The following OR1B1 variants were observed in gnomAD, a reference collection of about 807,000 sequenced individuals.
OR1B1 encodes the protein olfactory receptor family 1 subfamily B member 1.
For missense variants in OR1B1, 414 were observed against 402.1 expected, an observed-to-expected ratio of 1.03 and a Z score of -0.25; for synonymous variants, 168 against 156.2, an observed-to-expected ratio of 1.08 and a Z score of -0.57.
exon 1 of OR1B1, chr9:122,629,004 C>G: frequency 6.2e-7 from 1 of 1,613,912 alleles, no homozygotes; most frequent in Non-Finnish European, 8.5e-7. Flanking sequence ...GGAAGGTTAA[C>G]GTTGCCCCCA....
At chr9:122,631,183 T>A (rs1301484132), upstream of OR1B1, among the ~76,000 whole-genome samples, 1 of 143,024 alleles carries the variant, frequency 7.0e-6, no homozygotes, top group Non-Finnish European at 1.6e-5. Flanking sequence ...TAATCATACT[T>A]TTTTTTTTTT....
At chr9:122,634,651 C>T in the OR1B1 span, among the ~76,000 whole-genome samples, 1 of 152,088 alleles carries the variant, frequency 6.6e-6, no homozygotes, top group Non-Finnish European at 1.5e-5. Flanking sequence ...CAGGTCCCTC[C>T]CTTGACATGT....
the OR1B1 span, among the ~76,000 whole-genome samples, chr9:122,650,860 A>T: frequency 7.0e-6 from 1 of 142,570 alleles, no homozygotes. Context: ...CATCTCTACT[A>T]AAAAAATACA....
chr9:122,651,726 T>C, the OR1B1 span, among the ~76,000 whole-genome samples: 1 of 152,222 alleles, frequency 6.6e-6, no homozygotes. Flanking sequence ...ACATTCCAAT[T>C]TGCAGAAAAA....
the OR1B1 span, among the ~76,000 whole-genome samples, chr9:122,652,289 G>A: frequency 0.011 from 1,608 of 152,192 alleles, 23 homozygotes; most frequent in African/African-American, 0.036. Flanking sequence ...AATTTTATAT[G>A]ACTGATTGCT....
the OR1B1 span, among the ~76,000 whole-genome samples, chr9:122,657,421 G>A: frequency 6.6e-5 from 10 of 152,244 alleles, 1 homozygote; most frequent in Middle Eastern, 0.01. Context: ...GATGTCTGAC[G>A]CTACAGTCCA....
the OR1B1 span, among the ~76,000 whole-genome samples, chr9:122,657,290 C>A: frequency 6.6e-6 from 1 of 152,112 alleles, no homozygotes; most frequent in South Asian, 2.1e-4. Context: ...ATCTTTACCA[C>A]AATTATGAGG....
chr9:122,629,372 G>A (rs1156907581), exon 1 of OR1B1: 2 of 1,613,972 alleles, frequency 1.2e-6, no homozygotes, highest in Admixed American at 3.3e-5. Flanking sequence ...GTGCAGTCTG[G>A]AGTCCCAGGA....
At chr9:122,634,197 G>A (rs559672858), upstream of OR1B1, among the ~76,000 whole-genome samples, 29 of 151,790 alleles carry the variant, frequency 1.9e-4, no homozygotes, top group Non-Finnish European at 2.8e-4. Flanking sequence ...TTAGCCAGGC[G>A]TGGTGGCACA....
the OR1B1 span, among the ~76,000 whole-genome samples, chr9:122,648,713 A>G: frequency 6.6e-6 from 1 of 152,220 alleles, no homozygotes; most frequent in Non-Finnish European, 1.5e-5. Context: ...GGACCTCTTC[A>G]AGGAGAACTA....
At chr9:122,655,143 CA>C in the OR1B1 span, among the ~76,000 whole-genome samples, 2 of 152,182 alleles carry the variant, frequency 1.3e-5, no homozygotes, top group African/African-American at 4.8e-5. Flanking sequence ...CCTGCTCCCC[CA>C]GGCACATTAT....
the OR1B1 span, among the ~76,000 whole-genome samples, chr9:122,648,591 T>C: frequency 2.6e-5 from 4 of 152,036 alleles, no homozygotes; most frequent in African/African-American, 9.7e-5. Flanking sequence ...TCACAAACAT[T>C]CCTATACGTC....
At chr9:122,641,002 A>G in the OR1B1 span, among the ~76,000 whole-genome samples, 1 of 152,252 alleles carries the variant, frequency 6.6e-6, no homozygotes, top group Non-Finnish European at 1.5e-5. Flanking sequence ...ATAATAAGTG[A>G]TATAATAAAT....
chr9:122,655,011 T>G, the OR1B1 span, among the ~76,000 whole-genome samples: 380 of 152,304 alleles, frequency 2.5e-3, 1 homozygote, highest in African/African-American at 8.9e-3. Context: ...CATCCAGCAT[T>G]GCAAACATAC....
At chr9:122,628,428 G>C, downstream of OR1B1, 1 of 620,672 alleles carries the variant, frequency 1.6e-6, no homozygotes, top group Non-Finnish European at 2.9e-6. Context: ...AATGTTCATG[G>C]CTCCATCAAA....
the OR1B1 span, among the ~76,000 whole-genome samples, chr9:122,640,206 T>C: frequency 6.6e-6 from 1 of 152,110 alleles, no homozygotes; most frequent in East Asian, 1.9e-4. Flanking sequence ...GATATTTGCT[T>C]TTGTCTAATC....
the OR1B1 span, among the ~76,000 whole-genome samples, chr9:122,654,429 A>G: frequency 6.6e-6 from 1 of 152,156 alleles, no homozygotes; most frequent in African/African-American, 2.4e-5. Context: ...TGCATCAAGA[A>G]TACTCCCCTT....
downstream of OR1B1, among the ~76,000 whole-genome samples, chr9:122,628,250 T>G (rs558203278): frequency 6.6e-6 from 1 of 152,312 alleles, no homozygotes; most frequent in East Asian, 1.9e-4. Flanking sequence ...CTTCGTTTAG[T>G]TCATAGTTTC....
chr9:122,647,132 G>A, the OR1B1 span, among the ~76,000 whole-genome samples: 1 of 152,144 alleles, frequency 6.6e-6, no homozygotes, highest in African/African-American at 2.4e-5. Context: ...TCCAATGGCT[G>A]CAGAAGACAC....
Sources: gnomAD v4.1 joint callset for allele counts (sites outside exome capture counted in the v4.1 genomes callset) on GRCh38, gnomAD v4.1.1 for gene constraint, MANE v1.5 for transcripts, NCBI Gene and HGNC (gene_info 2026-07-23, HGNC 2026-07-21) for gene names.